RIMKLB: variants seen among roughly 807,000 people sequenced by gnomAD.
RIMKLB encodes the protein ribosomal modification protein rimK like family member B, also known as beta-citrylglutamate synthase B.
In RIMKLB, 7 loss-of-function variants were observed where a neutral mutation model predicts 32.0. The ratio of observed to expected loss-of-function variants is 0.22; its 90% CI spans 0.12 to 0.41. The LOEUF (loss-of-function observed/expected upper bound fraction) is 0.41. Ranked by LOEUF, RIMKLB falls within the 10% of genes least tolerant of loss-of-function variation. The probability of loss-of-function intolerance (pLI) is 1.00; values close to 1 mark genes in which losing one functional copy is unlikely to be tolerated. For synonymous variants in RIMKLB, 172 were observed against 185.1 expected (o/e 0.93, Z 0.57); for missense variants, 289 against 498.7 (o/e 0.58, Z 4.00).
At position 8,750,085 on chromosome 12, in the gene RIMKLB, C is replaced by G. The variant is rs1948488068; in HGVS notation, c.399C>G (p.Phe133Leu). The G allele has an allele frequency of 1.9e-6, 3 of 1,596,878 alleles. No homozygotes were observed. The highest frequency in any genetic ancestry group is 2.6e-6 in the Non-Finnish European group (3 of 1,164,644). The change falls in exon 3 of 6, where the codon TTC (phenylalanine) becomes TTG (leucine). Residue 133 changes from phenylalanine (F) to leucine (L), a missense_variant. Phe to Leu is a conservative substitution (Grantham distance 22, BLOSUM62 0). Transcript: ENST00000535829. ...ATGGTGTTCCTCTGCCGGATACTTT[C>G]TCTTATGGTGAGCCTACTAAAGAGC... ...AGHGVPLPDT[F>L]SYGGHENFAK...
intron 1 of RIMKLB, among the ~76,000 whole-genome samples, chr12:8,701,707 A>C (rs1458591251): frequency 6.7e-6 from 1 of 148,338 alleles, no homozygotes; most frequent in African/African-American, 2.5e-5. Context: ...GGATAGCTAC[A>C]TTTAGATTTT....
intron 2 of RIMKLB, among the ~76,000 whole-genome samples, chr12:8,725,151 A>ACATTC (rs1366332584): frequency 6.6e-6 from 1 of 152,238 alleles, no homozygotes; most frequent in Non-Finnish European, 1.5e-5. Context: ...CAGACATCAG[A>ACATTC]CATTCCAGGT....
intron 2 of RIMKLB, among the ~76,000 whole-genome samples, chr12:8,725,044 G>A (rs1945847971): frequency 6.6e-6 from 1 of 152,064 alleles, no homozygotes; most frequent in African/African-American, 2.4e-5. Flanking sequence ...TATTTTTGTG[G>A]TAGTTGTTTA....
intron 2 of RIMKLB, among the ~76,000 whole-genome samples, chr12:8,727,190 A>G (rs1196158168): frequency 6.6e-6 from 1 of 152,220 alleles, no homozygotes; most frequent in African/African-American, 2.4e-5. Flanking sequence ...GAGTGATTAT[A>G]CACGCAATCA....
chr12:8,738,243 A>C (rs1234517606), intron 2 of RIMKLB, among the ~76,000 whole-genome samples: 1 of 152,030 alleles, frequency 6.6e-6, no homozygotes, highest in Admixed American at 6.6e-5. Flanking sequence ...GAGTTTTGCT[A>C]TGTTGCCTAG....
chr12:8,748,724 G>A (rs1948367239), intron 2 of RIMKLB, among the ~76,000 whole-genome samples: 1 of 151,848 alleles, frequency 6.6e-6, no homozygotes, highest in South Asian at 2.1e-4. Context: ...AGATCACAAT[G>A]TCAGAAGTTT....
Position 8,774,710 on chromosome 12 carries a change from T to C in RIMKLB, c.*926T>C. On this transcript the variant is annotated 3_prime_UTR_variant, in exon 6 of 6. Transcript: ENST00000535829. ...CTTGAAACATGTACATTTAAAGCCT[T>C]TTATTTTTTCCCTTTTTGTTTTGGT... 1 of 985,832 alleles carries C rather than the reference T, an allele frequency of 1.0e-6. No individual in the cohort carries two copies. The highest frequency in any genetic ancestry group is 1.1e-4 in the East Asian group (1 of 8,818). The allele number at this position is 985,832 out of a possible 1,614,324, so 61.1% of individuals were successfully genotyped here.
At chr12:8,731,311 T>C (rs749554884) in intron 2 of RIMKLB, among the ~76,000 whole-genome samples, 23 of 152,086 alleles carry the variant, frequency 1.5e-4, no homozygotes, top group Admixed American at 1.5e-3. Context: ...TTGGCCAGGC[T>C]GGTCTCAAAC....
chr12:8,768,136 G>A (rs763645683), intron 5 of RIMKLB, among the ~76,000 whole-genome samples: 4 of 152,306 alleles, frequency 2.6e-5, no homozygotes, highest in Non-Finnish European at 4.4e-5. Flanking sequence ...CATGGGTCAC[G>A]GAAGAGAACT....
chr12:8,715,059 A>G (rs1039466156), intron 2 of RIMKLB, among the ~76,000 whole-genome samples: 1 of 152,182 alleles, frequency 6.6e-6, no homozygotes, highest in African/African-American at 2.4e-5. Context: ...TAAATTAAAA[A>G]TGTTACCATA....
intron 1 of RIMKLB, among the ~76,000 whole-genome samples, chr12:8,706,341 G>A (rs1314478883): frequency 6.6e-6 from 1 of 151,746 alleles, no homozygotes; most frequent in Non-Finnish European, 1.5e-5. Flanking sequence ...GGTTTCACCA[G>A]GTTGGCCAGG....
chr12:8,735,212 T>A (rs1481107324), intron 2 of RIMKLB, among the ~76,000 whole-genome samples: 1 of 152,194 alleles, frequency 6.6e-6, no homozygotes, highest in Non-Finnish European at 1.5e-5. Flanking sequence ...GGCAGCAATA[T>A]TTATCAAGCA....
chr12:8,710,433 G>T (rs1000922702), intron 1 of RIMKLB, among the ~76,000 whole-genome samples: 1 of 150,110 alleles, frequency 6.7e-6, no homozygotes, highest in Non-Finnish European at 1.5e-5. Flanking sequence ...TCAGCCTCCC[G>T]AGTAGCTGGG....
intron 2 of RIMKLB, among the ~76,000 whole-genome samples, chr12:8,719,589 G>A (rs1049192536): frequency 9.2e-5 from 14 of 152,028 alleles, no homozygotes; most frequent in African/African-American, 2.9e-4. Context: ...GGCTGGACTC[G>A]AACTCCTGAC....
chr12:8,697,778 G>C, upstream of RIMKLB: 1 of 193,840 alleles, frequency 5.2e-6, no homozygotes, highest in South Asian at 5.2e-5. Flanking sequence ...TCTCGACGCA[G>C]GTGTCAGATC....
chr12:8,670,244 T>G, the RIMKLB span, among the ~76,000 whole-genome samples: 1 of 151,948 alleles, frequency 6.6e-6, no homozygotes, highest in Non-Finnish European at 1.5e-5. Flanking sequence ...AAGTCTTAAC[T>G]CATATCAGCA....
chr12:8,716,725 CTTTTTTTTT>C (rs71451981), intron 2 of RIMKLB, among the ~76,000 whole-genome samples: 5 of 95,160 alleles, frequency 5.3e-5, no homozygotes, highest in African/African-American at 2.0e-4. Flanking sequence ...TCTTTTCCTT[CTTTTTTTTT>C]TTTTTTTTTT....
chr12:8,700,855 C>A (rs753929586), intron 1 of RIMKLB, among the ~76,000 whole-genome samples: 54 of 152,100 alleles, frequency 3.6e-4, no homozygotes, highest in Non-Finnish European at 6.8e-4. Context: ...CACTTGAGGT[C>A]AGGAGTTTGA....
intron 5 of RIMKLB, among the ~76,000 whole-genome samples, chr12:8,771,668 A>C (rs1199125344): frequency 6.6e-6 from 1 of 151,734 alleles, no homozygotes; most frequent in Non-Finnish European, 1.5e-5. Flanking sequence ...ATTCTTTGTA[A>C]ATTTTTTTAG....
Sources: gnomAD v4.1 joint callset for allele counts (sites outside exome capture counted in the v4.1 genomes callset) on GRCh38, gnomAD v4.1.1 for gene constraint, MANE v1.5 for transcripts, NCBI Gene and HGNC (gene_info 2026-07-23, HGNC 2026-07-21) for gene names.